Variants in HDAC11 observed in about 807,000 individuals in gnomAD.
HDAC11 encodes the protein histone deacetylase 11.
In HDAC11, 23 loss-of-function variants were observed where a neutral mutation model predicts 41.1. The observed-to-expected ratio is 0.56, with a 90% CI of 0.40 to 0.79. HDAC11 has a LOEUF of 0.79. Ranked by LOEUF, HDAC11 falls within the 30% of genes least tolerant of loss-of-function variation. The pLI, the probability that HDAC11 is intolerant of heterozygous loss-of-function variation, is 0.00. For missense variants in HDAC11, 402 were observed against 477.3 expected (o/e 0.84, Z 1.47); for synonymous variants, 187 against 186.6 (o/e 1.00, Z -0.02).
At chr3:13,491,858 C>T (rs1185838118) in intron 3 of HDAC11, among the ~76,000 whole-genome samples, 1 of 152,246 alleles carries the variant, frequency 6.6e-6, no homozygotes, top group Admixed American at 6.5e-5. Flanking sequence ...TTAGGTTGGG[C>T]TCCCTAGAAT....
Position 13,500,714 on chromosome 3 carries a change from G to T in HDAC11, c.414G>T (p.Gly138=). The T allele has an allele frequency of 6.3e-7, 1 of 1,591,462 alleles. No individual in the cohort carries two copies. Among genetic ancestry groups the T allele is most frequent in the Non-Finnish European group, 8.6e-7 (1 of 1,168,288 alleles). The change falls in exon 6 of 10, where the codon GGG becomes GGT. Residue 138 remains glycine (G), a splice_region_variant and synonymous_variant. Transcript: ENST00000295757. ...GCACCGCTCTCTGCCCTTCCGCAGG[G>T]GGTGGCTTCCACCACTGCTCCAGCG... ...AVERGWAINV[G]GGFHHCSSDR...
rs1574918839 is a variant in HDAC11, at chr3:13,504,812, C to A, written c.*129C>A. ...GGGGCAGGGCCATCCCTGGCTGGGG[C>A]CTGGAGCTGGCCCTTCCTCTACTTT... On this transcript the variant is annotated 3_prime_UTR_variant, in exon 10 of 10. Transcript: ENST00000295757. 2 of 827,988 alleles carry A rather than the reference C, an allele frequency of 2.4e-6. No individual in the cohort carries two copies. Among genetic ancestry groups the A allele is most frequent in the African/African-American group, 1.7e-5 (1 of 59,614 alleles). 51.3% of individuals were successfully genotyped at this position (827,988 alleles called of 1,614,324 possible).
At chr3:13,498,171 C>T (rs768850086) in intron 4 of HDAC11, among the ~76,000 whole-genome samples, 9 of 152,200 alleles carry the variant, frequency 5.9e-5, no homozygotes, top group Non-Finnish European at 1.0e-4. Context: ...TACTGTATTT[C>T]TGTGAGCAAA....
At chr3:13,500,045 G>T (rs187380590) in intron 5 of HDAC11, among the ~76,000 whole-genome samples, 289 of 152,222 alleles carry the variant, frequency 1.9e-3, no homozygotes, top group African/African-American at 6.5e-3. Flanking sequence ...GTTCACTGTG[G>T]CTGTCTTCTC....
In HDAC11 at chr3:13,504,277, G is replaced by A. The variant is rs745459488; in HGVS notation, c.828+5G>A. The A allele has an allele frequency of 2.5e-6, 4 of 1,612,630 alleles. No individual in the cohort carries two copies. The highest frequency in any genetic ancestry group is 1.1e-5 in the South Asian group (1 of 91,054). On this transcript the variant is annotated splice_donor_5th_base_variant and intron_variant, in intron 9 of 9. Transcript: ENST00000295757. ...GGGCTGTCCATCAGCCCAGCGGTAC[G>A]TCCTGACCCTTGGGGCCACGGGAGG...
rs149397868 is a variant in HDAC11 at position 13,504,109 on chromosome 3, A to G, written c.665A>G (p.Lys222Arg). Reference protein sequence around the residue: ...DRFAKQAIRRKVELEWGTEDD... With the variant: ...DRFAKQAIRRRVELEWGTEDD... ...TCTCTCCCAGAGGCCATCAGGCGGA[A>G]GGTGGAGCTGGAGTGGGGCACAGAG... Residue 222 changes from lysine (K) to arginine (R), a missense_variant, in exon 9 of 10, where the codon AAG becomes AGG. Transcript: ENST00000295757. 24 of 1,613,916 alleles carry G rather than the reference A, an allele frequency of 1.5e-5. No individual in the cohort carries two copies. In the African/African-American group the frequency reaches 2.4e-4, roughly 16 times the overall value.
rs1234124346 is a variant in HDAC11, at chr3:13,504,944, G to A, written c.*261G>A. 9.0e-6 allele frequency: 5 copies of A among 557,718 alleles called. No individual in the cohort carries two copies. Among genetic ancestry groups the A allele is most frequent in the Non-Finnish European group, 1.6e-5 (5 of 310,450 alleles). 34.5% of individuals were successfully genotyped at this position (557,718 alleles called of 1,614,324 possible). ...GAAGTCACCAGCCCATAGGTCCAGG[G>A]AGGCAGGCAGTTAACTGAGAATTGG... On this transcript the variant is annotated 3_prime_UTR_variant, in exon 10 of 10. Coordinates refer to ENST00000295757, the MANE Select transcript of HDAC11 (RefSeq NM_024827.4).
At position 13,500,767 on chromosome 3, in the gene HDAC11, C is replaced by T. The variant is rs764120706; in HGVS notation, c.467C>T (p.Ala156Val). The change falls in exon 6 of 10, where the codon GCG (alanine) becomes GTG (valine). Residue 156 changes from alanine to valine, a missense_variant. Physicochemically the swap from Ala to Val is moderately conservative, Grantham distance 64. Transcript: ENST00000295757. ...CGTGGCGGGGGCTTCTGTGCCTATG[C>T]GGACATCACGCTCGCCATCAAGGTG... is the stretch of plus-strand genomic sequence containing the variant. ...SDRGGGFCAY[A>V]DITLAIKFLF... 2.5e-6 allele frequency: 4 copies of T among 1,579,646 alleles called. No individual in the cohort carries two copies. Among genetic ancestry groups the T allele is most frequent in the Non-Finnish European group, 1.7e-6 (2 of 1,161,542 alleles).
At chr3:13,499,600 C>G (rs545343016) in intron 5 of HDAC11, among the ~76,000 whole-genome samples, 2 of 152,228 alleles carry the variant, frequency 1.3e-5, no homozygotes, top group Non-Finnish European at 2.9e-5. Flanking sequence ...GCCTTTGGCT[C>G]TGAACTCTGC....
At position 13,480,309 on chromosome 3, in the gene HDAC11, C is replaced by G. The variant is rs1244207998; in HGVS notation, c.-39C>G. The G allele has an allele frequency of 2.4e-6, 3 of 1,233,786 alleles. No individual in the cohort carries two copies. Among genetic ancestry groups the G allele is most frequent in the South Asian group, 3.6e-5 (1 of 27,660 alleles). 76.4% of individuals were successfully genotyped at this position (1,233,786 alleles called of 1,614,324 possible). Reference sequence around the variant, plus strand: ...CGCGCCCCGCCCCGCCCCGCCCGGTCGCGGAGCTGCGGCCAGCTTTGGGAG... The same window carrying G: ...CGCGCCCCGCCCCGCCCCGCCCGGTGGCGGAGCTGCGGCCAGCTTTGGGAG... On this transcript the variant is annotated 5_prime_UTR_variant, in exon 1 of 10. Coordinates refer to ENST00000295757, the MANE Select transcript of HDAC11 (RefSeq NM_024827.4). The surrounding 1 kb of genome is among the most constrained non-coding windows in gnomAD (Gnocchi z 4.6).
intron 5 of HDAC11, among the ~76,000 whole-genome samples, chr3:13,499,519 C>T (rs1702256496): frequency 6.6e-6 from 1 of 152,206 alleles, no homozygotes; most frequent in Admixed American, 6.5e-5. Context: ...TCAGGCCTGT[C>T]TCACTGATGA....
At chr3:13,483,354 C>T in intron 2 of HDAC11, 110 bp from the exon 3 acceptor site, 1 of 859,180 alleles carries the variant, frequency 1.2e-6, no homozygotes, top group Non-Finnish European at 1.9e-6. Context: ...GCCTACCTAC[C>T]CCTGGGGCAG....
At position 13,481,241 on chromosome 3, in the gene HDAC11, G is replaced by T; in HGVS notation, c.3-5G>T. On this transcript the variant is annotated splice_polypyrimidine_tract_variant and splice_region_variant and intron_variant, in intron 1 of 9. Coordinates refer to ENST00000295757, the MANE Select transcript of HDAC11 (RefSeq NM_024827.4). Reference sequence around the variant, plus strand: ...GCTGTGCGTCTGTCTTTTTCCACACGGTAGGCTACACACAACCCAGCTGTA... The same window carrying T: ...GCTGTGCGTCTGTCTTTTTCCACACTGTAGGCTACACACAACCCAGCTGTA... The T allele has an allele frequency of 6.2e-7, 1 of 1,611,478 alleles. No homozygotes were observed. Among genetic ancestry groups the T allele is most frequent in the Non-Finnish European group, 8.5e-7 (1 of 1,179,676 alleles).
Position 13,480,762 on chromosome 3 carries a change from G to A in HDAC11, c.2+413G>A, listed in dbSNP as rs1184438572. Reference sequence around the variant, plus strand: ...CGGGGTCAGGGGATCCCCGCCCCCCGCCCTGGCTCAGGTTGGGTCCCGACT... The same window carrying A: ...CGGGGTCAGGGGATCCCCGCCCCCCACCCTGGCTCAGGTTGGGTCCCGACT... On this transcript the variant is annotated intron_variant, in intron 1 of 9. Transcript: ENST00000295757. The surrounding 1 kb of genome is among the most constrained non-coding windows in gnomAD (Gnocchi z 4.6). The A allele has an allele frequency of 8.5e-6, 4 of 468,876 alleles. No homozygotes were observed. The highest frequency in any genetic ancestry group is 2.5e-5 in the Admixed American group (1 of 40,774). 29.0% of individuals were successfully genotyped at this position (468,876 alleles called of 1,614,324 possible).
chr3:13,504,867 C>T lies in HDAC11; in HGVS notation c.*184C>T. The T allele has an allele frequency of 1.6e-6, 1 of 626,132 alleles. No individual in the cohort carries two copies. The allele number at this position is 626,132 out of a possible 1,614,324, so 38.8% of individuals were successfully genotyped here. ...TGCTGGAAGCCAGAAGGGCTTGAGG[C>T]CTCTATGGGTGGGGGCAGAAGGCAG... is the stretch of plus-strand genomic sequence containing the variant. On this transcript the variant is annotated 3_prime_UTR_variant, in exon 10 of 10. Transcript: ENST00000295757.
chr3:13,500,337 C>T (rs938614237), intron 5 of HDAC11, among the ~76,000 whole-genome samples: 3 of 152,132 alleles, frequency 2.0e-5, no homozygotes, highest in Admixed American at 1.3e-4. Flanking sequence ...CCTGACCACC[C>T]GCTTTGGCCA....
Position 13,480,759 on chromosome 3 carries a change from C to G in HDAC11, c.2+410C>G, listed in dbSNP as rs1203056508. ...CAGCGGGGTCAGGGGATCCCCGCCC[C>G]CCGCCCTGGCTCAGGTTGGGTCCCG... is the stretch of plus-strand genomic sequence containing the variant. On this transcript the variant is annotated intron_variant, in intron 1 of 9. Coordinates refer to ENST00000295757, the MANE Select transcript of HDAC11 (RefSeq NM_024827.4). This position sits in a 1 kb window ranked among gnomAD's most constrained non-coding sequence, Gnocchi z 4.6. The G allele has an allele frequency of 2.1e-6, 1 of 471,142 alleles. No homozygotes were observed. The highest frequency in any genetic ancestry group is 1.6e-5 in the South Asian group (1 of 62,006). 29.2% of individuals were successfully genotyped at this position (471,142 alleles called of 1,614,324 possible).
At chr3:13,495,451 C>A (rs779350530) in intron 3 of HDAC11, among the ~76,000 whole-genome samples, 7 of 152,146 alleles carry the variant, frequency 4.6e-5, no homozygotes, top group Non-Finnish European at 7.4e-5. Flanking sequence ...CCCTCACAGG[C>A]CCCAGACCCG....
At chr3:13,500,882 G>C (rs995466655) in intron 6 of HDAC11, 93 bp downstream of exon 6, 2 of 985,252 alleles carry the variant, frequency 2.0e-6, no homozygotes, top group African/African-American at 3.4e-5. Flanking sequence ...CTGAATTATA[G>C]ACAAGGGGCC....
Sources: allele counts gnomAD v4.1 joint callset (sites outside exome capture counted in the v4.1 genomes callset), GRCh38; gene constraint gnomAD v4.1.1; non-coding constraint Gnocchi (gnomAD v3.1); transcripts MANE v1.5; gene names NCBI Gene and HGNC (gene_info 2026-07-23, HGNC 2026-07-21).